The following NALF1 variants were observed in gnomAD, a reference collection of about 807,000 sequenced individuals.
NALF1 encodes the protein NALCN channel auxiliary factor 1, also known as family with sequence similarity 155 member A.
A neutral mutation model predicts 48.4 loss-of-function variants in NALF1; 3 were observed. That is an observed-to-expected ratio of 0.06 (90% CI 0.03 to 0.16). The LOEUF (loss-of-function observed/expected upper bound fraction) is 0.16. Among genes scored for constraint, NALF1 ranks in the 10% least tolerant of loss-of-function variants. The pLI, the probability that NALF1 is intolerant of heterozygous loss-of-function variation, is 1.00. For missense variants in NALF1, 526 were observed against 571.5 expected (o/e 0.92, Z 0.81); for synonymous variants, 262 against 245.7 (o/e 1.07, Z -0.62).
At position 107,269,841 on chromosome 13, in the gene NALF1, G is replaced by A. The variant is rs547217581; in HGVS notation, c.916-59086C>T. 5.5e-3 allele frequency among the ~76,000 whole-genome samples: 830 copies of A among 150,024 alleles called. 6 individuals are homozygous for A. The highest frequency in any genetic ancestry group is 0.02 in the African/African-American group (796 of 40,784). ...TTTTTTTTTGCAAGCTCCGCCTCCC[G>A]GGTTCACGCCATTCTCCTGCCTCAG... On this transcript the variant is annotated intron_variant, in intron 1 of 2. Coordinates refer to ENST00000375915, the MANE Select transcript of NALF1 (RefSeq NM_001080396.3).
At chr13:107,265,952 G>T (rs542877322) in intron 1 of NALF1, among the ~76,000 whole-genome samples, 6 of 152,138 alleles carry the variant, frequency 3.9e-5, no homozygotes, top group African/African-American at 4.8e-5. Flanking sequence ...TTCTCTAGGT[G>T]CTGGGAAATA....
chr13:107,779,617 T>G (rs1451796595), intron 1 of NALF1, among the ~76,000 whole-genome samples: 1 of 152,224 alleles, frequency 6.6e-6, no homozygotes, highest in Non-Finnish European at 1.5e-5. Flanking sequence ...GTGCGTTGAT[T>G]CCTGGCTTGC....
intron 1 of NALF1, among the ~76,000 whole-genome samples, chr13:107,454,086 A>T (rs1468038365): frequency 6.6e-6 from 1 of 152,196 alleles, no homozygotes; most frequent in East Asian, 1.9e-4. Flanking sequence ...AAAGCCATTC[A>T]ACAAGTTTCT....
At chr13:107,715,432 C>G (rs1875724593) in intron 1 of NALF1, among the ~76,000 whole-genome samples, 1 of 152,130 alleles carries the variant, frequency 6.6e-6, no homozygotes, top group African/African-American at 2.4e-5. Flanking sequence ...GAACTCCCGA[C>G]CTCAGGTGAT....
chr13:107,517,495 G>A (rs780441025), intron 1 of NALF1, among the ~76,000 whole-genome samples: 27 of 152,050 alleles, frequency 1.8e-4, no homozygotes, highest in Admixed American at 7.2e-4. Flanking sequence ...AGCCGGGCGT[G>A]GTGGTGGATG....
chr13:107,690,221 T>C (rs1881536528), intron 1 of NALF1, among the ~76,000 whole-genome samples: 1 of 152,216 alleles, frequency 6.6e-6, no homozygotes, highest in Non-Finnish European at 1.5e-5. Context: ...CCTAACTCCA[T>C]ACTTAGCCAT....
intron 1 of NALF1, among the ~76,000 whole-genome samples, chr13:107,742,415 T>C (rs971708230): frequency 1.3e-5 from 2 of 152,186 alleles, no homozygotes; most frequent in South Asian, 2.1e-4. Flanking sequence ...GAGGGGATAA[T>C]TGAATCATGG....
At chr13:107,597,475 C>T (rs1376593284) in intron 1 of NALF1, among the ~76,000 whole-genome samples, 1 of 152,050 alleles carries the variant, frequency 6.6e-6, no homozygotes, top group East Asian at 1.9e-4. Context: ...AGTGACAATG[C>T]ATGAATTTTT....
chr13:107,752,706 A>G (rs1352566999), intron 1 of NALF1, among the ~76,000 whole-genome samples: 1 of 152,182 alleles, frequency 6.6e-6, no homozygotes, highest in Admixed American at 6.5e-5. Context: ...CAAAGAGACT[A>G]CAGACTCTTA....
chr13:107,485,267 T>C (rs538398603), intron 1 of NALF1, among the ~76,000 whole-genome samples: 1 of 152,226 alleles, frequency 6.6e-6, no homozygotes, highest in East Asian at 1.9e-4. Context: ...GACTCTTTGG[T>C]GTCACTCACT....
chr13:107,636,329 T>C (rs1227700650), intron 1 of NALF1, among the ~76,000 whole-genome samples: 2 of 152,140 alleles, frequency 1.3e-5, no homozygotes, highest in East Asian at 3.9e-4. Context: ...CATCCATTCA[T>C]TGAAAGCTTT....
intron 1 of NALF1, among the ~76,000 whole-genome samples, chr13:107,795,705 A>T (rs1030261107): frequency 9.2e-5 from 14 of 152,274 alleles, no homozygotes; most frequent in African/African-American, 3.4e-4. Flanking sequence ...TAGCATTTGA[A>T]TTTTACAATT....
At chr13:107,330,519 C>G (rs1035675180) in intron 1 of NALF1, among the ~76,000 whole-genome samples, 1 of 152,126 alleles carries the variant, frequency 6.6e-6, no homozygotes, top group Non-Finnish European at 1.5e-5. Flanking sequence ...ATATTTACAA[C>G]CCAATATTAG....
intron 1 of NALF1, among the ~76,000 whole-genome samples, chr13:107,604,204 C>G (rs1370022565): frequency 2.6e-5 from 4 of 152,134 alleles, no homozygotes; most frequent in African/African-American, 7.2e-5. Context: ...TGCATTCTTG[C>G]CAATAATCGT....
At chr13:107,655,315 T>C (rs12855027) in intron 1 of NALF1, among the ~76,000 whole-genome samples, 1 of 151,992 alleles carries the variant, frequency 6.6e-6, no homozygotes, top group Admixed American at 6.6e-5. Context: ...AGTTTCAGGA[T>C]ACAAAATTAA....
At chr13:107,632,977 T>C (rs533430755) in intron 1 of NALF1, among the ~76,000 whole-genome samples, 2 of 151,046 alleles carry the variant, frequency 1.3e-5, no homozygotes, top group South Asian at 2.1e-4. Flanking sequence ...AAAATTAGCA[T>C]GTGTCTTCAG....
intron 1 of NALF1, among the ~76,000 whole-genome samples, chr13:107,374,284 T>C (rs1002809532): frequency 6.6e-6 from 1 of 152,134 alleles, no homozygotes; most frequent in Non-Finnish European, 1.5e-5. Flanking sequence ...GGAAATTCTG[T>C]CTAAAACATT....
chr13:107,186,613 A>G (rs1478174870), intron 2 of NALF1, among the ~76,000 whole-genome samples: 3 of 152,026 alleles, frequency 2.0e-5, no homozygotes, highest in African/African-American at 4.8e-5. Context: ...TGATCTGCCC[A>G]CCTCGGCCTC....
At chr13:107,846,919 A>G (rs1377265242) in intron 1 of NALF1, among the ~76,000 whole-genome samples, 1 of 152,260 alleles carries the variant, frequency 6.6e-6, no homozygotes, top group Non-Finnish European at 1.5e-5. Context: ...GTTCTAAGTC[A>G]CCACTTAGAA....
Sources: allele counts gnomAD v4.1 joint callset (sites outside exome capture counted in the v4.1 genomes callset), GRCh38; gene constraint gnomAD v4.1.1; transcripts MANE v1.5; gene names NCBI Gene and HGNC (gene_info 2026-07-23, HGNC 2026-07-21).